The following GCLC variants were observed in gnomAD, a reference collection of about 807,000 sequenced individuals.
GCLC encodes the protein glutamate-cysteine ligase catalytic subunit.
Under a neutral mutation model 81.5 loss-of-function variants are expected in GCLC, and 30 were observed. That is an observed-to-expected ratio of 0.37 (90% CI 0.28 to 0.50). GCLC has a LOEUF of 0.50. GCLC is among the 20% of genes least tolerant of loss of function. The pLI is 0.96. For missense variants in GCLC, 556 were observed against 777.4 expected (o/e 0.72, Z 3.39); for synonymous variants, 262 against 273.3 (o/e 0.96, Z 0.41).
chr6:53,541,920 T>C (rs992444666), intron 1 of GCLC, among the ~76,000 whole-genome samples: 1 of 152,068 alleles, frequency 6.6e-6, no homozygotes, highest in Admixed American at 6.5e-5. Flanking sequence ...CAGACTAGAG[T>C]GCAGTTGAAC....
At chr6:53,535,524 T>A (rs1401065939) in intron 1 of GCLC, among the ~76,000 whole-genome samples, 1 of 147,840 alleles carries the variant, frequency 6.8e-6, no homozygotes, top group Admixed American at 6.8e-5. Flanking sequence ...CAAAAAAAAA[T>A]AAAAAATAAA....
chr6:53,507,064 A>C, intron 9 of GCLC, 39 bp from the exon 10 acceptor site: 1 of 1,072,314 alleles, frequency 9.3e-7, no homozygotes, highest in Non-Finnish European at 1.5e-6. Flanking sequence ...CTGCAAAGCG[A>C]GAGATACCAC....
chr6:53,514,241 T>A lies in GCLC; in HGVS notation c.716A>T (p.Asp239Val), dbSNP rs1345892129. 6.2e-7 allele frequency: 1 copy of A among 1,613,868 alleles called. No homozygotes were observed. Among genetic ancestry groups the A allele is most frequent in the Non-Finnish European group, 8.5e-7 (1 of 1,179,726 alleles). The change falls in exon 6 of 16, where the codon GAT becomes GTT. Residue 239 changes from aspartate (D) to valine (V), a missense_variant. Transcript: ENST00000650454. ...ATTGCCCATTCCAAATCCCATGGCA[T>A]CCATGTAAATATGATCCGGCTTAGA... ...RASKPDHIYM[D>V]AMGFGMGNCC...
At chr6:53,521,730 T>C (rs934039606) in intron 2 of GCLC, among the ~76,000 whole-genome samples, 16 of 152,122 alleles carry the variant, frequency 1.1e-4, no homozygotes, top group African/African-American at 2.9e-4. Flanking sequence ...TCCCAGCACT[T>C]TGGGAGGCTG....
chr6:53,532,083 A>G (rs1402165057), intron 1 of GCLC, among the ~76,000 whole-genome samples: 1 of 152,246 alleles, frequency 6.6e-6, no homozygotes, highest in Admixed American at 6.5e-5. Flanking sequence ...TTTTCTTTAA[A>G]AAGTTTACAT....
At position 53,536,873 on chromosome 6, in the gene GCLC, G is replaced by T. The variant is rs567539377; in HGVS notation, c.150+7623C>A. 8.5e-5 allele frequency among the ~76,000 whole-genome samples: 13 copies of T among 152,298 alleles called. No individual in the cohort carries two copies. The South Asian group carries it at 2.1e-3, about 24-fold the overall frequency. ...TCACAGTAACTGATAAGTCTTAAAAGATTTTTTCTGTAGGAGATAGGTATA... is the reference window on the plus strand; with the variant it reads ...TCACAGTAACTGATAAGTCTTAAAATATTTTTTCTGTAGGAGATAGGTATA... On this transcript the variant is annotated intron_variant, in intron 1 of 15. Transcript: ENST00000650454.
In GCLC at chr6:53,500,579, C is replaced by T. The variant is rs527972677; in HGVS notation, c.1396-66G>A. 2.8e-6 allele frequency: 3 copies of T among 1,074,628 alleles called. No homozygotes were observed. The East Asian group carries it at 7.0e-5, about 25-fold the overall frequency. 66.6% of individuals were successfully genotyped at this position (1,074,628 alleles called of 1,614,324 possible). ...TGATCAGACATACAAGTTGCAGCAC[C>T]TTCCTCACCTTTGCAATTAGGACTC... On this transcript the variant is annotated intron_variant, in intron 12 of 15. Transcript: ENST00000650454.
In GCLC at chr6:53,535,213, T is replaced by A. The variant is rs115146910; in HGVS notation, c.150+9283A>T. On this transcript the variant is annotated intron_variant, in intron 1 of 15. Coordinates refer to ENST00000650454, the MANE Select transcript of GCLC (RefSeq NM_001498.4). The stretch of plus-strand genomic sequence containing the variant: ...GCCTAGGCAGCATAGCAGAACCTCA[T>A]CTCTTAAAAATAAAAATAAGGCCAA... Among the ~76,000 whole-genome samples, 1,283 of 152,142 alleles carry A rather than the reference T, an allele frequency of 8.4e-3. 19 individuals are homozygous for A. Among genetic ancestry groups the A allele is most frequent in the African/African-American group, 0.029 (1,218 of 41,500 alleles).
intron 1 of GCLC, among the ~76,000 whole-genome samples, chr6:53,535,770 C>T (rs1763247307): frequency 6.6e-6 from 1 of 152,178 alleles, no homozygotes; most frequent in Non-Finnish European, 1.5e-5. Flanking sequence ...CAACGTACCA[C>T]CACACTCCTA....
intron 6 of GCLC, 98 bp downstream of exon 6, chr6:53,514,106 A>G (rs758019022): frequency 1.6e-4 from 187 of 1,177,918 alleles, no homozygotes; most frequent in Non-Finnish European, 2.2e-4. Flanking sequence ...CAACCTCATT[A>G]AAATGTGATT....
At chr6:53,526,971 C>T (rs954460465) in intron 1 of GCLC, among the ~76,000 whole-genome samples, 1 of 152,306 alleles carries the variant, frequency 6.6e-6, no homozygotes, top group Middle Eastern at 3.4e-3. Context: ...GTTCTTTTGT[C>T]AGTTTCTCTG....
intron 3 of GCLC, among the ~76,000 whole-genome samples, chr6:53,516,792 C>T (rs916076664): frequency 1.3e-5 from 2 of 152,148 alleles, no homozygotes; most frequent in Non-Finnish European, 2.9e-5. Flanking sequence ...CTGAGATCAC[C>T]CTCTGAAGTC....
At chr6:53,522,877 T>C in intron 1 of GCLC, 1 of 243,252 alleles carries the variant, frequency 4.1e-6, no homozygotes. Context: ...TTTTAAAATT[T>C]ATTTCCTCAG....
At chr6:53,522,552 A>G in intron 1 of GCLC, 25 bp from the exon 2 acceptor site, 1 of 1,418,756 alleles carries the variant, frequency 7.0e-7, no homozygotes, top group African/African-American at 1.4e-5. Context: ...GGTGAGAAAA[A>G]TTAACATTCT....
intron 4 of GCLC, 63 bp downstream of exon 4, chr6:53,516,046 A>G (rs982988594): frequency 3.4e-5 from 32 of 955,100 alleles, no homozygotes; most frequent in Non-Finnish European, 5.0e-5. Context: ...CAGAAATACT[A>G]TACTCTCAGA....
chr6:53,512,235 G>A lies in GCLC; in HGVS notation c.753+1969C>T, dbSNP rs147675105. ...GCTGGGATTACAGGCATGAGCCACC[G>A]TGCCTGGCTGTGAACTTGGTGCTTT... is the stretch of plus-strand genomic sequence containing the variant. On this transcript the variant is annotated intron_variant, in intron 6 of 15. Transcript: ENST00000650454. Among the ~76,000 whole-genome samples the A allele has an allele frequency of 3.8e-3, 585 of 152,154 alleles. 4 individuals carry two copies. Among genetic ancestry groups the A allele is most frequent in the African/African-American group, 0.013 (546 of 41,512 alleles).
intron 2 of GCLC, 51 bp downstream of exon 2, chr6:53,522,364 C>T (rs1763013693): frequency 3.9e-6 from 4 of 1,036,060 alleles, no homozygotes; most frequent in Non-Finnish European, 6.1e-6. Flanking sequence ...ACTCTATATT[C>T]TAGAAGTTTT....
chr6:53,540,131 G>A (rs182682546), intron 1 of GCLC, among the ~76,000 whole-genome samples: 1 of 152,160 alleles, frequency 6.6e-6, no homozygotes, highest in Admixed American at 6.5e-5. Flanking sequence ...TCTTACTATG[G>A]TATGATAAAT....
Position 53,497,614 on chromosome 6 carries a change from G to A in GCLC, c.*1142C>T, listed in dbSNP as rs575134458. 6.6e-6 allele frequency: 1 copy of A among 152,146 alleles called. No individual in the cohort carries two copies. Among genetic ancestry groups the A allele is most frequent in the East Asian group, 1.9e-4 (1 of 5,160 alleles). The allele number at this position is 152,146 out of a possible 1,614,324, so 9.4% of individuals were successfully genotyped here. On this transcript the variant is annotated 3_prime_UTR_variant, in exon 16 of 16. Coordinates refer to ENST00000650454, the MANE Select transcript of GCLC (RefSeq NM_001498.4). ...AAAGATCTGCATAATCTACAATACA[G>A]AGTTATTTCAGAAGCAGTTGACTTA...
Sources: allele counts gnomAD v4.1 joint callset (sites outside exome capture counted in the v4.1 genomes callset), GRCh38; gene constraint gnomAD v4.1.1; transcripts MANE v1.5; gene names NCBI Gene and HGNC (gene_info 2026-07-23, HGNC 2026-07-21).